Variants in SLC17A1 observed in about 807,000 individuals in gnomAD.
The protein encoded by SLC17A1 is sodium-dependent phosphate transport protein 1.
Under a neutral mutation model 53.5 loss-of-function variants are expected in SLC17A1, and 51 were observed. That is an observed-to-expected ratio of 0.95 (90% CI 0.76 to 1.20). The LOEUF is 1.20. Ranked by LOEUF, SLC17A1 falls within the 50% of genes most tolerant of loss-of-function variation. The pLI is 0.00. For missense variants in SLC17A1, 538 were observed against 568.2 expected (o/e 0.95, Z 0.54); for synonymous variants, 179 against 198.8 (o/e 0.90, Z 0.84).
chr6:25,781,973 C>A (rs916047519), downstream of SLC17A1, among the ~76,000 whole-genome samples: 1 of 152,174 alleles, frequency 6.6e-6, no homozygotes, highest in Non-Finnish European at 1.5e-5. Context: ...TGAGAAGGTG[C>A]TAGCTGACAG....
At chr6:25,790,206 G>A (rs1029985981) in intron 12 of SLC17A1, among the ~76,000 whole-genome samples, 3 of 151,930 alleles carry the variant, frequency 2.0e-5, no homozygotes, top group Non-Finnish European at 2.9e-5. Context: ...TACTCCATCC[G>A]GGTATTTGGT....
chr6:25,740,411 A>T, the SLC17A1 span, among the ~76,000 whole-genome samples: 1 of 152,266 alleles, frequency 6.6e-6, no homozygotes, highest in South Asian at 2.1e-4. Flanking sequence ...TTTCTCAAAT[A>T]TTAGAAATTA....
the SLC17A1 span, among the ~76,000 whole-genome samples, chr6:25,734,659 G>A: frequency 2.0e-5 from 3 of 152,190 alleles, no homozygotes; most frequent in Non-Finnish European, 2.9e-5. Flanking sequence ...ATCTACGAGT[G>A]TAAGGATGTT....
chr6:25,726,230 C>T, the SLC17A1 span: 31 of 1,612,862 alleles, frequency 1.9e-5, no homozygotes, highest in South Asian at 8.8e-5. Context: ...ATGGTCACGC[C>T]GCCCAAAAGC....
At chr6:25,727,134 G>A in the SLC17A1 span, 2 of 1,614,072 alleles carry the variant, frequency 1.2e-6, no homozygotes, top group Non-Finnish European at 8.5e-7. Context: ...TGAGCGTATA[G>A]CGAGCGAGGC....
At chr6:25,798,097 C>T (rs1763642199) in intron 12 of SLC17A1, among the ~76,000 whole-genome samples, 1 of 152,076 alleles carries the variant, frequency 6.6e-6, no homozygotes, top group Non-Finnish European at 1.5e-5. Flanking sequence ...GTCTTCATGC[C>T]TCTCTTTTTG....
the SLC17A1 span, among the ~76,000 whole-genome samples, chr6:25,734,654 C>T: frequency 0.2 from 31,053 of 152,084 alleles, 3,391 homozygotes; most frequent in Middle Eastern, 0.26. Flanking sequence ...GATCCATCTA[C>T]GAGTGTAAGG....
chr6:25,808,277 G>T (rs1431231526), intron 10 of SLC17A1, among the ~76,000 whole-genome samples: 1 of 151,592 alleles, frequency 6.6e-6, no homozygotes, highest in African/African-American at 2.4e-5. Context: ...TCACTTATAA[G>T]TGGGAGCTAA....
the SLC17A1 span, chr6:25,776,552 G>T: frequency 1.3e-6 from 2 of 1,552,386 alleles, no homozygotes; most frequent in Non-Finnish European, 8.7e-7. Context: ...TCGTGGTGGG[G>T]GTGGTAAGGG....
Position 25,819,164 on chromosome 6 carries a change from A to T in SLC17A1, c.530-10T>A. 6.3e-7 allele frequency: 1 copy of T among 1,579,604 alleles called. No individual in the cohort carries two copies. The highest frequency in any genetic ancestry group is 8.6e-7 in the Non-Finnish European group (1 of 1,161,580). ...GGTCCCAGCAAAAACCCTAATCAGTAGGTACAAAGAACACCCCTAATTAAT... is the reference window on the plus strand; with the variant it reads ...GGTCCCAGCAAAAACCCTAATCAGTTGGTACAAAGAACACCCCTAATTAAT... On this transcript the variant is annotated splice_polypyrimidine_tract_variant and intron_variant, in intron 5 of 12. Coordinates refer to ENST00000244527, the MANE Select transcript of SLC17A1 (RefSeq NM_005074.5).
the SLC17A1 span, among the ~76,000 whole-genome samples, chr6:25,752,969 C>T: frequency 6.8e-6 from 1 of 146,448 alleles, no homozygotes; most frequent in Non-Finnish European, 1.5e-5. Context: ...CAAAAAAAAA[C>T]AAAAAAAAAA....
At chr6:25,770,969 C>A in the SLC17A1 span, 1 of 1,613,914 alleles carries the variant, frequency 6.2e-7, no homozygotes, top group Non-Finnish European at 8.5e-7. Context: ...CTGGTGGTCT[C>A]CTCTGCCAGA....
At chr6:25,726,285 G>A in the SLC17A1 span, 22 of 1,614,094 alleles carry the variant, frequency 1.4e-5, no homozygotes, top group South Asian at 8.8e-5. Context: ...GCAGGTGGCG[G>A]GGAATAATGC....
At chr6:25,776,469 G>A in the SLC17A1 span, 1 of 1,134,042 alleles carries the variant, frequency 8.8e-7, no homozygotes, top group Non-Finnish European at 1.2e-6. Context: ...TAGTAACATG[G>A]AATTTGTATT....
At chr6:25,775,209 G>A in the SLC17A1 span, among the ~76,000 whole-genome samples, 2 of 151,902 alleles carry the variant, frequency 1.3e-5, no homozygotes, top group African/African-American at 2.4e-5. Context: ...GCATCTGCCT[G>A]TAGTCCCAGC....
chr6:25,796,782 A>G (rs762364759), intron 12 of SLC17A1, among the ~76,000 whole-genome samples: 8 of 152,208 alleles, frequency 5.3e-5, no homozygotes, highest in Admixed American at 1.3e-4. Context: ...CTAAGTAGAC[A>G]ACCATATCAT....
chr6:25,819,471 T>C (rs143734460), intron 5 of SLC17A1, 40 bp downstream of exon 5: 1 of 1,463,016 alleles, frequency 6.8e-7, no homozygotes, highest in African/African-American at 1.4e-5. Context: ...TACAATGAGA[T>C]GAAGATAGGA....
chr6:25,763,849 C>A, the SLC17A1 span, among the ~76,000 whole-genome samples: 2 of 152,218 alleles, frequency 1.3e-5, no homozygotes, highest in South Asian at 2.1e-4. Context: ...CCTTTTCCCC[C>A]AGAAGTCCAT....
chr6:25,755,147 G>A, the SLC17A1 span, among the ~76,000 whole-genome samples: 148,963 of 152,190 alleles, frequency 0.98, 72,977 homozygotes, highest in East Asian at 1. Flanking sequence ...TTTTTGTGAA[G>A]TACATTAATT....
Sources: allele counts gnomAD v4.1 joint callset (sites outside exome capture counted in the v4.1 genomes callset), GRCh38; gene constraint gnomAD v4.1.1; transcripts MANE v1.5; gene names NCBI Gene and HGNC (gene_info 2026-07-23, HGNC 2026-07-21).